ARHGAP32: variants seen among roughly 807,000 people sequenced by gnomAD.
The protein encoded by ARHGAP32 is rho GTPase-activating protein 32.
ARHGAP32 carries 51 observed loss-of-function variants against 186.5 expected under a neutral mutation model. The observed-to-expected ratio is 0.27, with a 90% CI of 0.22 to 0.35. The LOEUF is 0.35. ARHGAP32 is among the 10% of genes least tolerant of loss of function. The probability of loss-of-function intolerance (pLI) is 1.00; values close to 1 mark genes in which losing one functional copy is unlikely to be tolerated. For missense variants in ARHGAP32, 2,186 were observed against 2,623.5 expected (o/e 0.83, Z 3.64); for synonymous variants, 950 against 964.3 (o/e 0.99, Z 0.27).
intron 11 of ARHGAP32, among the ~76,000 whole-genome samples, chr11:129,034,743 A>AAG (rs1555076849): frequency 2.2e-3 from 328 of 149,450 alleles, no homozygotes; most frequent in African/African-American, 7.5e-3. Context: ...AAAAAAAAAA[A>AAG]AGAGAGAGAG....
chr11:129,049,037 T>C (rs1318660930), intron 10 of ARHGAP32, among the ~76,000 whole-genome samples: 1 of 151,986 alleles, frequency 6.6e-6, no homozygotes, highest in Non-Finnish European at 1.5e-5. Context: ...TGATCTTGTA[T>C]ACCGTCACAA....
Position 129,123,926 on chromosome 11 carries a change from G to A in ARHGAP32, c.321C>T (p.Ser107=). The A allele has an allele frequency of 3.1e-6, 4 of 1,290,522 alleles. No individual in the cohort carries two copies. Among genetic ancestry groups the A allele is most frequent in the Non-Finnish European group, 4.0e-6 (4 of 989,716 alleles). The allele number at this position is 1,290,522 out of a possible 1,614,324, so 79.9% of individuals were successfully genotyped here. A position where few individuals can be genotyped will look rare whatever the true frequency, so the allele number is the denominator to read the frequency against. ...CACAGCCCATCAGTCCTGGAGTGGT[G>A]GACCTGAACGCAGAATGAACATTTT... ...ASMKVKHVKK[S]TTPGLMGCDN... The change falls in exon 4 of 23, where the codon TCC becomes TCT. Residue 107 remains serine, a synonymous_variant. Coordinates refer to ENST00000682385, the MANE Select transcript of ARHGAP32 (RefSeq NM_001378024.1). The surrounding 1 kb of genome is among the most constrained non-coding windows in gnomAD (Gnocchi z 4.6).
At chr11:129,273,113 T>A (rs1396163527) in intron 1 of ARHGAP32, among the ~76,000 whole-genome samples, 1 of 152,192 alleles carries the variant, frequency 6.6e-6, no homozygotes, top group Non-Finnish European at 1.5e-5. Flanking sequence ...CAATAGTACA[T>A]CACAAGTCCT....
intron 10 of ARHGAP32, among the ~76,000 whole-genome samples, chr11:129,054,414 C>T (rs928396430): frequency 6.6e-6 from 1 of 152,150 alleles, no homozygotes; most frequent in South Asian, 2.1e-4. Context: ...ATCTGAAAAA[C>T]CTGTTAAAAT....
chr11:129,203,834 G>A (rs1157770549), intron 1 of ARHGAP32, among the ~76,000 whole-genome samples: 1 of 149,974 alleles, frequency 6.7e-6, no homozygotes, highest in South Asian at 2.1e-4. Flanking sequence ...GGAGTTCTAG[G>A]CTGTGGTGAG....
intron 1 of ARHGAP32, among the ~76,000 whole-genome samples, chr11:129,213,208 A>C (rs1360886139): frequency 6.6e-6 from 1 of 152,222 alleles, no homozygotes; most frequent in African/African-American, 2.4e-5. Context: ...CAGCGTAATC[A>C]AGAGATGTCC....
At chr11:129,211,136 T>C (rs1056673448) in intron 1 of ARHGAP32, among the ~76,000 whole-genome samples, 1 of 152,190 alleles carries the variant, frequency 6.6e-6, no homozygotes, top group African/African-American at 2.4e-5. Flanking sequence ...AATCCTATAT[T>C]TACTGTAATA....
intron 1 of ARHGAP32, among the ~76,000 whole-genome samples, chr11:129,188,542 T>C (rs1944208727): frequency 6.6e-6 from 1 of 152,128 alleles, no homozygotes; most frequent in Non-Finnish European, 1.5e-5. Flanking sequence ...CACAATAGCT[T>C]CTAACTTGTG....
intron 8 of ARHGAP32, among the ~76,000 whole-genome samples, chr11:129,064,310 T>C (rs147250895): frequency 2.0e-5 from 3 of 152,268 alleles, no homozygotes; most frequent in Admixed American, 6.5e-5. Flanking sequence ...AGAGATTCAA[T>C]ACTTTTTCCA....
chr11:129,105,351 C>T (rs3862648), intron 5 of ARHGAP32, among the ~76,000 whole-genome samples: 28,284 of 152,094 alleles, frequency 0.19, 2,809 homozygotes, highest in Non-Finnish European at 0.21. Context: ...TCACCTCCAG[C>T]TGACCTCTAG....
intron 9 of ARHGAP32, 72 bp downstream of exon 9, chr11:129,063,830 T>C: frequency 6.7e-7 from 1 of 1,486,968 alleles, no homozygotes; most frequent in Non-Finnish European, 9.0e-7. Context: ...AAGGAAATGG[T>C]TAAGAACAGT....
chr11:129,031,213 T>C (rs1168309535), intron 11 of ARHGAP32, among the ~76,000 whole-genome samples: 2 of 152,220 alleles, frequency 1.3e-5, no homozygotes, highest in East Asian at 1.9e-4. Context: ...AAATTAAATA[T>C]AGTTTCTGAT....
At chr11:129,021,044 T>A (rs1020724851) in intron 11 of ARHGAP32, among the ~76,000 whole-genome samples, 6 of 152,048 alleles carry the variant, frequency 3.9e-5, no homozygotes, top group African/African-American at 1.4e-4. Flanking sequence ...CAGAAATTCA[T>A]ATACATGCAA....
intron 1 of ARHGAP32, among the ~76,000 whole-genome samples, chr11:129,266,960 T>G (rs940676204): frequency 4.6e-5 from 7 of 152,292 alleles, no homozygotes; most frequent in African/African-American, 9.6e-5. Context: ...GGCCAAAGAA[T>G]GGCCAAAGAG....
chr11:129,088,514 A>G lies in ARHGAP32; in HGVS notation c.531+5107T>C, dbSNP rs1483132705. ...AGAATCACTTGAACCTGTGAGTTGGAGGTTGCAGTGAGCCGAGATCACACC... is the reference window on the plus strand; with the variant it reads ...AGAATCACTTGAACCTGTGAGTTGGGGGTTGCAGTGAGCCGAGATCACACC... On this transcript the variant is annotated intron_variant, in intron 6 of 22. Transcript: ENST00000682385. Among the ~76,000 whole-genome samples, 3 of 152,008 alleles carry G rather than the reference A, an allele frequency of 2.0e-5. No homozygotes were observed. In the East Asian group the frequency reaches 5.8e-4, roughly 29 times the overall value.
chr11:129,135,772 A>C (rs11221576), intron 2 of ARHGAP32, among the ~76,000 whole-genome samples: 22,978 of 151,918 alleles, frequency 0.15, 2,110 homozygotes, highest in African/African-American at 0.25. Flanking sequence ...ATCTCAAAAA[A>C]AAACAAACAA....
chr11:128,965,279 T>C lies in ARHGAP32; in HGVS notation c.*3628A>G, dbSNP rs1395409556. On this transcript the variant is annotated 3_prime_UTR_variant, in exon 23 of 23. Coordinates refer to ENST00000682385, the MANE Select transcript of ARHGAP32 (RefSeq NM_001378024.1). ...AAATGAGACTCTAAATATTTACATATGGGGCAAGAAATAAATCACAAAACT... is the reference window on the plus strand; with the variant it reads ...AAATGAGACTCTAAATATTTACATACGGGGCAAGAAATAAATCACAAAACT... The C allele has an allele frequency of 1.3e-5, 2 of 149,992 alleles. No homozygotes were observed. The highest frequency in any genetic ancestry group is 3.0e-5 in the Non-Finnish European group (2 of 67,776). The allele number at this position is 149,992 out of a possible 1,614,324, so 9.3% of individuals were successfully genotyped here.
chr11:129,160,315 T>C (rs893227584), intron 2 of ARHGAP32, among the ~76,000 whole-genome samples: 4 of 152,080 alleles, frequency 2.6e-5, no homozygotes, highest in Non-Finnish European at 5.9e-5. Context: ...TCAAATTGTC[T>C]CTGTTTGCAG....
At chr11:129,223,320 C>T (rs981153695) in intron 1 of ARHGAP32, among the ~76,000 whole-genome samples, 2 of 152,174 alleles carry the variant, frequency 1.3e-5, no homozygotes, top group South Asian at 4.1e-4. Flanking sequence ...CAAAATTTAT[C>T]ATTAGCCAAC....
Sources: gnomAD v4.1 joint callset for allele counts (sites outside exome capture counted in the v4.1 genomes callset) on GRCh38, gnomAD v4.1.1 for gene constraint, Gnocchi (gnomAD v3.1) non-coding constraint, MANE v1.5 for transcripts, NCBI Gene and HGNC (gene_info 2026-07-23, HGNC 2026-07-21) for gene names.